The following PALLD variants were observed in gnomAD, a reference collection of about 807,000 sequenced individuals.
The protein encoded by PALLD is palladin.
PALLD carries 61 observed loss-of-function variants against 123.5 expected under a neutral mutation model. The observed-to-expected ratio is 0.49, with a 90% confidence interval of 0.40 to 0.61. PALLD has a LOEUF of 0.61. Among genes scored for constraint, PALLD ranks in the 20% least tolerant of loss-of-function variants. The pLI is 0.00. For synonymous variants in PALLD, 465 were observed against 496.4 expected, an observed-to-expected ratio of 0.94 and a Z score of 0.84; for missense variants, 1,273 against 1,377.0, an observed-to-expected ratio of 0.92 and a Z score of 1.20.
At chr4:168,731,675 T>G (rs565871736) in intron 10 of PALLD, among the ~76,000 whole-genome samples, 1 of 152,356 alleles carries the variant, frequency 6.6e-6, no homozygotes, top group East Asian at 1.9e-4. Flanking sequence ...GTAAGTGAAT[T>G]ATTCCTCTGC....
intron 10 of PALLD, among the ~76,000 whole-genome samples, chr4:168,834,406 G>A (rs1385678255): frequency 6.6e-6 from 1 of 152,058 alleles, no homozygotes; most frequent in Non-Finnish European, 1.5e-5. Context: ...AGATCCTTAT[G>A]AGCTCTAGAT....
intron 2 of PALLD, among the ~76,000 whole-genome samples, chr4:168,539,484 A>G (rs952430869): frequency 4.6e-5 from 7 of 152,112 alleles, no homozygotes; most frequent in African/African-American, 1.7e-4. Flanking sequence ...GCTACTCAGG[A>G]GGCTGAGGCA....
intron 10 of PALLD, among the ~76,000 whole-genome samples, chr4:168,770,381 A>G (rs1316962291): frequency 6.6e-6 from 1 of 152,176 alleles, no homozygotes; most frequent in Non-Finnish European, 1.5e-5. Flanking sequence ...AGGTTCACAC[A>G]GTCAATAACC....
At chr4:168,777,722 C>T (rs999958) in intron 10 of PALLD, among the ~76,000 whole-genome samples, 1 of 151,940 alleles carries the variant, frequency 6.6e-6, no homozygotes, top group Non-Finnish European at 1.5e-5. Context: ...CTCCCAGCCC[C>T]GTTTAGCAGT....
intron 10 of PALLD, among the ~76,000 whole-genome samples, chr4:168,859,470 G>A (rs1749118014): frequency 6.6e-6 from 1 of 152,212 alleles, no homozygotes; most frequent in Non-Finnish European, 1.5e-5. Flanking sequence ...TGTCTTAGAA[G>A]AGTGGAAAGG....
intron 2 of PALLD, among the ~76,000 whole-genome samples, chr4:168,658,587 T>G (rs1778836642): frequency 1.3e-5 from 2 of 152,164 alleles, no homozygotes; most frequent in African/African-American, 4.8e-5. Context: ...ATGCCCAGCC[T>G]GTATTTGTTT....
At chr4:168,806,342 G>A (rs1740192096) in intron 10 of PALLD, among the ~76,000 whole-genome samples, 1 of 152,134 alleles carries the variant, frequency 6.6e-6, no homozygotes, top group African/African-American at 2.4e-5. Context: ...GGGATTACTG[G>A]TGTGAGCCAG....
intron 2 of PALLD, among the ~76,000 whole-genome samples, chr4:168,592,189 G>T (rs910646885): frequency 2.6e-5 from 4 of 151,852 alleles, no homozygotes; most frequent in Non-Finnish European, 5.9e-5. Flanking sequence ...TGTAAGATTT[G>T]ATAGATATGG....
intron 10 of PALLD, among the ~76,000 whole-genome samples, chr4:168,776,811 T>C (rs891954887): frequency 7.9e-5 from 12 of 152,216 alleles, no homozygotes; most frequent in Non-Finnish European, 1.5e-5. Context: ...CTCTACAGTC[T>C]TGAGATAAGC....
At chr4:168,867,653 A>C (rs1750487685) in intron 10 of PALLD, among the ~76,000 whole-genome samples, 1 of 152,160 alleles carries the variant, frequency 6.6e-6, no homozygotes, top group African/African-American at 2.4e-5. Context: ...TCACAAGTTT[A>C]TGAACAATAT....
intron 2 of PALLD, among the ~76,000 whole-genome samples, chr4:168,587,872 G>C (rs138349300): frequency 3.7e-4 from 57 of 152,190 alleles, no homozygotes; most frequent in African/African-American, 1.3e-3. Context: ...GCGCTCTTCA[G>C]GGGGGTGCAG....
intron 10 of PALLD, among the ~76,000 whole-genome samples, chr4:168,886,514 A>C (rs539607685): frequency 6.6e-6 from 1 of 152,192 alleles, no homozygotes; most frequent in South Asian, 2.1e-4. Context: ...AGTGGTATGC[A>C]CTTATGGTCC....
At chr4:168,560,404 G>A (rs1403688862) in intron 2 of PALLD, among the ~76,000 whole-genome samples, 4 of 152,196 alleles carry the variant, frequency 2.6e-5, no homozygotes, top group Non-Finnish European at 5.9e-5. Context: ...TGTGCACAAT[G>A]TTGACAGTGT....
rs754768575 is a variant in PALLD at position 168,523,218 on chromosome 4, AGAGGAGAG to A, written c.908+10810_908+10817del. On this transcript the variant is annotated intron_variant, in intron 2 of 21. Coordinates refer to ENST00000505667, the MANE Select transcript of PALLD (RefSeq NM_001166108.2). ...GGAGAATCTTTGAGAACGAGAAGAA[AGAGGAGAG>A]GAGAGGAGGGGAGGGGAGGGGAGGG... 7.3e-4 allele frequency among the ~76,000 whole-genome samples: 102 copies of A among 139,218 alleles called. 1 individual carries two copies. The highest frequency in any genetic ancestry group is 1.5e-3 in the African/African-American group (56 of 36,420). The allele number at this position is 139,218 out of a possible 152,430, so 91.3% of individuals were successfully genotyped here. A position where few individuals can be genotyped will look rare whatever the true frequency, so the allele number is the denominator to read the frequency against.
Position 168,788,060 on chromosome 4 carries a change from G to T in PALLD, c.1964+76137G>T, listed in dbSNP as rs1355358903. On this transcript the variant is annotated intron_variant, in intron 10 of 21. Transcript: ENST00000505667. ...TTTGTTACGTAGTCAAGTTCCACTG[G>T]GTTTTGCTGTGTAGCATGCGATTCC... Among the ~76,000 whole-genome samples, 3 of 152,236 alleles carry T rather than the reference G, an allele frequency of 2.0e-5. No individual in the cohort carries two copies. The East Asian group carries it at 5.8e-4, about 29-fold the overall frequency.
chr4:168,867,836 G>A (rs910374654), intron 10 of PALLD, among the ~76,000 whole-genome samples: 15 of 151,212 alleles, frequency 9.9e-5, no homozygotes, highest in African/African-American at 3.7e-4. Flanking sequence ...TAAGGATATT[G>A]GACTTGTTGG....
intron 2 of PALLD, among the ~76,000 whole-genome samples, chr4:168,556,232 A>T (rs577831907): frequency 1.1e-4 from 16 of 152,058 alleles, no homozygotes; most frequent in African/African-American, 2.9e-4. Flanking sequence ...AGTAGCTGGG[A>T]CTACAGGTGC....
chr4:168,716,212 T>C (rs557174872), intron 10 of PALLD, among the ~76,000 whole-genome samples: 10 of 152,294 alleles, frequency 6.6e-5, no homozygotes, highest in Admixed American at 6.5e-4. Flanking sequence ...TCTAAGCCTG[T>C]AGACGAGCAA....
At chr4:168,750,808 T>C (rs527647264) in intron 10 of PALLD, among the ~76,000 whole-genome samples, 1 of 152,320 alleles carries the variant, frequency 6.6e-6, no homozygotes, top group East Asian at 1.9e-4. Flanking sequence ...CCAGAAAGAC[T>C]TTCCTAATAC....
Sources: allele counts gnomAD v4.1 joint callset (sites outside exome capture counted in the v4.1 genomes callset), GRCh38; gene constraint gnomAD v4.1.1; transcripts MANE v1.5; gene names NCBI Gene and HGNC (gene_info 2026-07-23, HGNC 2026-07-21).